CAD: variants seen among roughly 807,000 people sequenced by gnomAD.
The protein encoded by CAD is multifunctional protein CAD.
Under a neutral mutation model 237.2 loss-of-function variants are expected in CAD, and 81 were observed. That is an observed-to-expected ratio of 0.34 (90% CI 0.29 to 0.41). The LOEUF (loss-of-function observed/expected upper bound fraction) is 0.41. Ranked by LOEUF, CAD falls within the 10% of genes least tolerant of loss-of-function variation. CAD has a pLI of 1.00. For synonymous variants in CAD, 1,196 were observed against 1,162.8 expected, an observed-to-expected ratio of 1.03 and a Z score of -0.58; for missense variants, 2,181 against 2,951.7, an observed-to-expected ratio of 0.74 and a Z score of 6.05.
At chr2:27,225,321 T>G (rs2148064977) in intron 11 of CAD, 78 bp downstream of exon 11, 1 of 911,446 alleles carries the variant, frequency 1.1e-6, no homozygotes. Context: ...TTTTTTTTTT[T>G]TTGAGACGGA....
intron 15 of CAD, among the ~76,000 whole-genome samples, chr2:27,228,782 G>T (rs558682491): frequency 2.0e-5 from 3 of 152,140 alleles, no homozygotes; most frequent in African/African-American, 4.8e-5. Flanking sequence ...TAGAGACAGG[G>T]TTTCTCCCTG....
Position 27,240,472 on chromosome 2 carries a change from G to T in CAD, c.5593+111G>T. On this transcript the variant is annotated intron_variant, in intron 35 of 43. Transcript: ENST00000264705. This position sits in a 1 kb window ranked among gnomAD's most constrained non-coding sequence, Gnocchi z 4.6. ...TCCTCCTCTCCATCCCTTTATCCTC[G>T]TCTGATCTGCCGTGCCATCCTTTGC... is the stretch of plus-strand genomic sequence containing the variant. 4.0e-6 allele frequency: 6 copies of T among 1,487,062 alleles called. No individual in the cohort carries two copies. The highest frequency in any genetic ancestry group is 2.3e-5 in the East Asian group (1 of 42,764). The allele number at this position is 1,487,062 out of a possible 1,614,324, so 92.1% of individuals were successfully genotyped here.
intron 11 of CAD, 119 bp downstream of exon 11, chr2:27,225,362 A>G (rs963963244): frequency 5.2e-5 from 30 of 575,742 alleles, no homozygotes; most frequent in Non-Finnish European, 7.9e-5. Context: ...GCTGGAGTAC[A>G]GTGGCGTGAT....
chr2:27,227,853 AC>A (rs1675511291), intron 15 of CAD, among the ~76,000 whole-genome samples: 1 of 152,366 alleles, frequency 6.6e-6, no homozygotes, highest in East Asian at 1.9e-4. Flanking sequence ...TAACCAAAGA[AC>A]AGTAGTCACC....
At position 27,236,000 on chromosome 2, in the gene CAD, TC is replaced by T; in HGVS notation, c.4075-283del. ...GCAAAGAGAAAAGTCTCTTAAAATC[TC>T]TGTACCACTGTTCTGATATTTTTCC... On this transcript the variant is annotated intron_variant, in intron 25 of 43. Coordinates refer to ENST00000264705, the MANE Select transcript of CAD (RefSeq NM_004341.5). The surrounding 1 kb of genome is among the most constrained non-coding windows in gnomAD (Gnocchi z 5.2). The T allele has an allele frequency of 1.9e-6, 1 of 513,648 alleles. No individual in the cohort carries two copies. Among genetic ancestry groups the T allele is most frequent in the East Asian group, 3.3e-5 (1 of 30,478 alleles). The allele number at this position is 513,648 out of a possible 1,614,324, so 31.8% of individuals were successfully genotyped here.
intron 15 of CAD, among the ~76,000 whole-genome samples, chr2:27,229,877 A>AG (rs1675643480): frequency 3.0e-5 from 2 of 67,534 alleles, no homozygotes; most frequent in Non-Finnish European, 6.0e-5. Flanking sequence ...TACGTCTCAG[A>AG]AAAAAAAAAA....
At position 27,239,748 on chromosome 2, in the gene CAD, G is replaced by T; in HGVS notation, c.5446G>T (p.Ala1816Ser). 1 of 1,592,056 alleles carries T rather than the reference G, an allele frequency of 6.3e-7. No individual in the cohort carries two copies. The change falls in exon 34 of 44, where the codon GCT (alanine) becomes TCT (serine). Residue 1816 changes from alanine (A) to serine (S), a missense_variant. This residue lies in a region of CAD where 478 missense variants were observed against 515.0 expected (regional missense o/e 0.93). Coordinates refer to ENST00000264705, the MANE Select transcript of CAD (RefSeq NM_004341.5). The surrounding 1 kb of genome is among the most constrained non-coding windows in gnomAD (Gnocchi z 4.0). ...GGATGTACGGAAGTGGCCACAGGGGGCTGTTCCTCAGCTCCCACCCTCAGC... is the reference window on the plus strand; with the variant it reads ...GGATGTACGGAAGTGGCCACAGGGGTCTGTTCCTCAGCTCCCACCCTCAGC... ...GQDVRKWPQG[A>S]VPQLPPSAPA...
At position 27,243,799 on chromosome 2, in the gene CAD, TAGAACAG is replaced by T; in HGVS notation, c.*284_*290del. On this transcript the variant is annotated 3_prime_UTR_variant, in exon 44 of 44. Transcript: ENST00000264705. The stretch of plus-strand genomic sequence containing the variant: ...AGCTGTCCCTTGATGCTGAGTGTAG[TAGAACAG>T]AGCTTTCTTTTAGAAAATTGAGCAG... The T allele has an allele frequency of 2.4e-6, 1 of 419,964 alleles. No individual in the cohort carries two copies. The highest frequency in any genetic ancestry group is 4.3e-6 in the Non-Finnish European group (1 of 234,916). 26.0% of individuals were successfully genotyped at this position (419,964 alleles called of 1,614,324 possible).
intron 31 of CAD, 123 bp from the exon 32 acceptor site, chr2:27,238,919 A>T: frequency 1.0e-6 from 1 of 981,394 alleles, no homozygotes; most frequent in South Asian, 1.7e-5. Flanking sequence ...GTTCCCAGAA[A>T]AAATGAGCAT....
chr2:27,235,566 C>T lies in CAD; in HGVS notation c.4000C>T (p.Leu1334=), dbSNP rs57242266. 1 of 1,614,218 alleles carries T rather than the reference C, an allele frequency of 6.2e-7. No individual in the cohort carries two copies. The highest frequency in any genetic ancestry group is 8.5e-7 in the Non-Finnish European group (1 of 1,180,034). Residue 1334 remains leucine (L), a synonymous_variant, in exon 25 of 44, where the codon CTA becomes TTA. Coordinates refer to ENST00000264705, the MANE Select transcript of CAD (RefSeq NM_004341.5). The surrounding 1 kb of genome is among the most constrained non-coding windows in gnomAD (Gnocchi z 5.2). ...AAGCGAGCTGCTCCCAACTGTGCGG[C>T]TACTGGAGAGCCTGGGCTACAGCCT... ...NKSELLPTVR[L]LESLGYSLYA...
chr2:27,226,830 A>C lies in CAD; in HGVS notation c.2157-2A>C. On this transcript the variant is annotated splice_acceptor_variant, in intron 14 of 43. Coordinates refer to ENST00000264705, the MANE Select transcript of CAD (RefSeq NM_004341.5). LOFTEE classifies it high-confidence loss of function. The stretch of plus-strand genomic sequence containing the variant: ...TCTGGCATCCCACCTGCTGGACCCC[A>C]GGAACTCTGTGACAGGGGGTACAGC... 1 of 1,614,144 alleles carries C rather than the reference A, an allele frequency of 6.2e-7. No homozygotes were observed. The highest frequency in any genetic ancestry group is 1.1e-5 in the South Asian group (1 of 91,086).
At chr2:27,228,284 C>G (rs564957708) in intron 15 of CAD, among the ~76,000 whole-genome samples, 1 of 152,088 alleles carries the variant, frequency 6.6e-6, no homozygotes, top group Non-Finnish European at 1.5e-5. Context: ...CTGTTTATGC[C>G]CACTTCTTAG....
intron 43 of CAD, 41 bp from the exon 44 acceptor site, chr2:27,243,375 G>GCA: frequency 3.1e-6 from 5 of 1,594,412 alleles, no homozygotes; most frequent in Non-Finnish European, 4.3e-6. Flanking sequence ...TCCATGGGCT[G>GCA]CACGATAACA....
At position 27,236,494 on chromosome 2, in the gene CAD, G is replaced by A. The variant is rs376174337; in HGVS notation, c.4285G>A (p.Asp1429Asn). The stretch of plus-strand genomic sequence containing the variant: ...TGACTTCTCCGTGCCCCTAATCATC[G>A]ATATCAAGTGCACCAAACTCTTTGT... ...AADFSVPLII[D>N]IKCTKLFVEA... The change falls in exon 26 of 44, where the codon GAT becomes AAT. Residue 1429 changes from aspartate to asparagine, a missense_variant. Physicochemically the swap from Asp to Asn is conservative, Grantham distance 23. Coordinates refer to ENST00000264705, the MANE Select transcript of CAD (RefSeq NM_004341.5). This position sits in a 1 kb window ranked among gnomAD's most constrained non-coding sequence, Gnocchi z 4.1. The A allele has an allele frequency of 9.9e-6, 16 of 1,612,698 alleles. No homozygotes were observed. The highest frequency in any genetic ancestry group is 4.0e-5 in the African/African-American group (3 of 74,918).
Position 27,226,112 on chromosome 2 carries a change from A to G in CAD, c.1843-19A>G, listed in dbSNP as rs746576109. The G allele has an allele frequency of 2.5e-5, 40 of 1,611,686 alleles. No homozygotes were observed. Among genetic ancestry groups the G allele is most frequent in the Admixed American group, 5.0e-5 (3 of 59,976 alleles). On this transcript the variant is annotated intron_variant, in intron 12 of 43. Coordinates refer to ENST00000264705, the MANE Select transcript of CAD (RefSeq NM_004341.5). The stretch of plus-strand genomic sequence containing the variant: ...CTGACTCTGCTTGGCAGTGACCTCC[A>G]TGGCACCCCCCTTCACAGGTGTGTA...
chr2:27,227,959 T>C (rs572640123), intron 15 of CAD, among the ~76,000 whole-genome samples: 2 of 152,390 alleles, frequency 1.3e-5, no homozygotes, highest in African/African-American at 4.8e-5. Context: ...TTTCTAGGCA[T>C]ATGTGTATGC....
chr2:27,222,259 C>A lies in CAD; in HGVS notation c.418C>A (p.Gln140Lys), dbSNP rs1479823622. The A allele has an allele frequency of 3.1e-6, 5 of 1,613,904 alleles. No homozygotes were observed. The highest frequency in any genetic ancestry group is 4.2e-6 in the Non-Finnish European group (5 of 1,179,986). ...GGGGTCTCTGCTGGGGAAGCTGGTC[C>A]AGAATGGAACAGAACCTTCATCCCT... is the stretch of plus-strand genomic sequence containing the variant. ...EQGSLLGKLV[Q>K]NGTEPSSLPF... is the part of the protein sequence containing the mutation. Residue 140 changes from glutamine (Q) to lysine (K), a missense_variant, in exon 4 of 44, where the codon CAG (glutamine) becomes AAG (lysine). By Grantham distance (53) the Gln-to-Lys change is moderately conservative (BLOSUM62 1). Coordinates refer to ENST00000264705, the MANE Select transcript of CAD (RefSeq NM_004341.5).
Position 27,242,674 on chromosome 2 carries a change from C to T in CAD, c.6277C>T (p.Leu2093=), listed in dbSNP as rs371305029. ...ACGCACAGTACATTCCCTGGCCTGC[C>T]TGCTCACCCAGTATCGTGTCAGCCT... The part of the protein sequence containing the change: ...HGRTVHSLAC[L]LTQYRVSLRY... Residue 2093 remains leucine (L), a synonymous_variant, in exon 41 of 44, where the codon CTG becomes TTG. Transcript: ENST00000264705. This position sits in a 1 kb window ranked among gnomAD's most constrained non-coding sequence, Gnocchi z 6.4. The T allele has an allele frequency of 2.5e-6, 4 of 1,613,514 alleles. No individual in the cohort carries two copies. The African/African-American group carries it at 5.3e-5, about 22-fold the overall frequency.
At chr2:27,218,767 C>A (rs570990670) in intron 2 of CAD, among the ~76,000 whole-genome samples, 5 of 152,208 alleles carry the variant, frequency 3.3e-5, no homozygotes, top group African/African-American at 1.2e-4. Context: ...TTAAAAAAAA[C>A]CCAACATATA....
Sources: allele counts gnomAD v4.1 joint callset (sites outside exome capture counted in the v4.1 genomes callset), GRCh38; gene constraint gnomAD v4.1.1; regional missense constraint gnomAD v4.1.1; non-coding constraint Gnocchi (gnomAD v3.1); transcripts MANE v1.5; gene names NCBI Gene and HGNC (gene_info 2026-07-23, HGNC 2026-07-21).